The following HHAT variants were observed in gnomAD, a reference collection of about 807,000 sequenced individuals.
HHAT encodes the protein hedgehog acyltransferase.
Under a neutral mutation model 70.8 loss-of-function variants are expected in HHAT, and 47 were observed. That is an observed-to-expected ratio of 0.66 (90% CI 0.53 to 0.85). The LOEUF is 0.85. HHAT is among the 40% of genes least tolerant of loss of function. The pLI is 0.00. For missense variants in HHAT, 609 were observed against 604.8 expected, an observed-to-expected ratio of 1.01 and a Z score of -0.07; for synonymous variants, 228 against 247.6, an observed-to-expected ratio of 0.92 and a Z score of 0.74.
At chr1:210,414,863 C>CA (rs1403894341) in intron 6 of HHAT, among the ~76,000 whole-genome samples, 1 of 151,934 alleles carries the variant, frequency 6.6e-6, no homozygotes, top group Admixed American at 6.6e-5. Flanking sequence ...ACTACAAATA[C>CA]AAAAAATAGC....
chr1:210,639,057 T>G (rs1346079281), intron 11 of HHAT, among the ~76,000 whole-genome samples: 2 of 152,198 alleles, frequency 1.3e-5, no homozygotes, highest in Non-Finnish European at 2.9e-5. Flanking sequence ...AAAAACAGTT[T>G]AAGGTTAAAA....
chr1:210,341,391 C>G (rs1171749174), intron 1 of HHAT, among the ~76,000 whole-genome samples: 3 of 152,158 alleles, frequency 2.0e-5, no homozygotes, highest in Non-Finnish European at 4.4e-5. Flanking sequence ...TTGGAAGTTG[C>G]TGGGGGAAAA....
chr1:210,594,378 T>A (rs1357944524), intron 10 of HHAT, among the ~76,000 whole-genome samples: 4 of 152,214 alleles, frequency 2.6e-5, no homozygotes, highest in Non-Finnish European at 5.9e-5. Flanking sequence ...CCCATTATTT[T>A]AAACTGACAT....
intron 9 of HHAT, among the ~76,000 whole-genome samples, chr1:210,551,768 C>T (rs2095529856): frequency 6.6e-6 from 1 of 152,208 alleles, no homozygotes; most frequent in Non-Finnish European, 1.5e-5. Context: ...AACCCAGGTA[C>T]TTTACAGAAG....
intron 1 of HHAT, among the ~76,000 whole-genome samples, chr1:210,340,116 G>T (rs948685874): frequency 6.6e-6 from 1 of 151,854 alleles, no homozygotes; most frequent in Admixed American, 6.6e-5. Context: ...GCGGCGGGAG[G>T]ATCACTCGAG....
intron 9 of HHAT, among the ~76,000 whole-genome samples, chr1:210,578,497 T>C (rs1198781882): frequency 6.6e-6 from 1 of 152,254 alleles, no homozygotes; most frequent in African/African-American, 2.4e-5. Context: ...TTGAAATCAG[T>C]ATCTAGAAGA....
At chr1:210,560,021 G>A (rs991760315) in intron 9 of HHAT, among the ~76,000 whole-genome samples, 1 of 152,124 alleles carries the variant, frequency 6.6e-6, no homozygotes, top group Non-Finnish European at 1.5e-5. Context: ...CTGGGATCGT[G>A]TGTCTTTCTC....
In HHAT at chr1:210,468,477, T is replaced by C. The variant is rs145151183; in HGVS notation, c.1007+3822T>C. Among the ~76,000 whole-genome samples the C allele has an allele frequency of 4.8e-3, 725 of 152,290 alleles. 2 individuals carry two copies. Among genetic ancestry groups the C allele is most frequent in the East Asian group, 0.021 (110 of 5,180 alleles). The stretch of plus-strand genomic sequence containing the variant: ...TGTTCAGAGGCAAACTCATGCATGA[T>C]TGCTTATCCCAGGGGGATCTGGGTG... On this transcript the variant is annotated intron_variant, in intron 8 of 11. Coordinates refer to ENST00000261458, the MANE Select transcript of HHAT (RefSeq NM_018194.6).
intron 11 of HHAT, among the ~76,000 whole-genome samples, chr1:210,624,988 G>A (rs1312572066): frequency 6.6e-6 from 1 of 152,180 alleles, no homozygotes; most frequent in Admixed American, 6.5e-5. Context: ...TTTCACACCA[G>A]AAATAACAGC....
chr1:210,657,630 A>G (rs1252650898), intron 11 of HHAT, among the ~76,000 whole-genome samples: 1 of 152,244 alleles, frequency 6.6e-6, no homozygotes, highest in African/African-American at 2.4e-5. Flanking sequence ...CTCTAGGAAA[A>G]GAACATGTCA....
At chr1:210,411,467 G>C (rs1188904923) in intron 6 of HHAT, among the ~76,000 whole-genome samples, 2 of 152,148 alleles carry the variant, frequency 1.3e-5, no homozygotes, top group East Asian at 3.8e-4. Context: ...CCAAGAGTTT[G>C]AGCAGGTTGG....
At chr1:210,333,617 A>G (rs866393208) in intron 1 of HHAT, among the ~76,000 whole-genome samples, 4 of 151,780 alleles carry the variant, frequency 2.6e-5, no homozygotes, top group African/African-American at 9.7e-5. Context: ...AAAGTATCTG[A>G]CTTTTACTGG....
chr1:210,472,768 A>G (rs2357593), intron 8 of HHAT, among the ~76,000 whole-genome samples: 122,851 of 152,182 alleles, frequency 0.81, 49,732 homozygotes, highest in South Asian at 0.86. Context: ...GATATAACAC[A>G]TCAATGAATG....
intron 1 of HHAT, among the ~76,000 whole-genome samples, chr1:210,335,390 A>G (rs1284633919): frequency 6.6e-6 from 1 of 151,776 alleles, no homozygotes; most frequent in Non-Finnish European, 1.5e-5. Context: ...AGGGTAAGGT[A>G]TTGCTCTGCA....
chr1:210,457,542 G>A (rs1489310978), intron 7 of HHAT, among the ~76,000 whole-genome samples: 1 of 152,134 alleles, frequency 6.6e-6, no homozygotes, highest in Non-Finnish European at 1.5e-5. Flanking sequence ...TGAAGCTGAG[G>A]GAATTGGGAG....
intron 1 of HHAT, among the ~76,000 whole-genome samples, chr1:210,337,629 C>T (rs1553312878): frequency 6.6e-6 from 1 of 152,204 alleles, no homozygotes; most frequent in Non-Finnish European, 1.5e-5. Context: ...ATCATCACCT[C>T]ACATTTCCTC....
At chr1:210,557,113 G>A (rs2095580026) in intron 9 of HHAT, among the ~76,000 whole-genome samples, 1 of 152,212 alleles carries the variant, frequency 6.6e-6, no homozygotes, top group African/African-American at 2.4e-5. Context: ...AAGGCTCACA[G>A]GTGAGAAAGA....
At chr1:210,622,479 C>A (rs1669030735) in intron 10 of HHAT, among the ~76,000 whole-genome samples, 1 of 152,050 alleles carries the variant, frequency 6.6e-6, no homozygotes, top group South Asian at 2.1e-4. Context: ...CAGAGGGGCT[C>A]CCAGAACAGT....
intron 7 of HHAT, among the ~76,000 whole-genome samples, chr1:210,451,436 G>A (rs1390455076): frequency 6.6e-6 from 1 of 152,302 alleles, no homozygotes; most frequent in East Asian, 1.9e-4. Flanking sequence ...CAAACTGAAC[G>A]AGAAAGGTGA....
Sources: allele counts gnomAD v4.1 joint callset (sites outside exome capture counted in the v4.1 genomes callset), GRCh38; gene constraint gnomAD v4.1.1; transcripts MANE v1.5; gene names NCBI Gene and HGNC (gene_info 2026-07-23, HGNC 2026-07-21).